Variants in MICAL2 observed in about 807,000 individuals in gnomAD.
MICAL2 encodes microtubule associated monooxygenase, calponin and LIM domain containing 2, also known as [F-actin]-monooxygenase MICAL2.
Under a neutral mutation model 127.3 loss-of-function variants are expected in MICAL2, and 77 were observed. The observed-to-expected ratio is 0.60, with a 90% confidence interval of 0.50 to 0.73. The LOEUF (loss-of-function observed/expected upper bound fraction) is 0.73, where lower values mean the gene tolerates loss of function less well. MICAL2 is among the 30% of genes least tolerant of loss of function. The pLI, the probability that MICAL2 is intolerant of heterozygous loss-of-function variation, is 0.00. For missense variants in MICAL2, 1,351 were observed against 1,434.4 expected (o/e 0.94, Z 0.94); for synonymous variants, 570 against 551.1 (o/e 1.03, Z -0.48).
chr11:12,150,642 C>A (rs142755069), intron 2 of MICAL2, among the ~76,000 whole-genome samples: 1 of 152,080 alleles, frequency 6.6e-6, no homozygotes, highest in African/African-American at 2.4e-5. Context: ...TCTTCCCCAG[C>A]ATCCCTCTAT....
At chr11:12,358,130 C>T (rs1939156674) in intron 34 of MICAL2, among the ~76,000 whole-genome samples, 1 of 152,176 alleles carries the variant, frequency 6.6e-6, no homozygotes, top group Non-Finnish European at 1.5e-5. Flanking sequence ...ACACCTTTCT[C>T]ATCTCTCACT....
intron 34 of MICAL2, among the ~76,000 whole-genome samples, chr11:12,355,422 T>G (rs894585582): frequency 2.6e-5 from 4 of 152,190 alleles, no homozygotes; most frequent in African/African-American, 7.2e-5. Flanking sequence ...TAAACTCAAC[T>G]GACACAGTAT....
In MICAL2 at chr11:12,226,985, G is replaced by T; in HGVS notation, c.1889-40G>T. On this transcript the variant is annotated intron_variant, in intron 14 of 27. Transcript: ENST00000683283. ...CCTTGTTATAGCCATACTTCCCAGA[G>T]CCAGGTTCCAAATCACAGTTGCGCT... The T allele has an allele frequency of 1.3e-6, 2 of 1,504,552 alleles. 1 individual carries two copies. Among genetic ancestry groups the T allele is most frequent in the African/African-American group, 2.8e-5 (2 of 72,678 alleles). 93.2% of individuals were successfully genotyped at this position (1,504,552 alleles called of 1,614,324 possible).
At chr11:12,162,041 C>T in intron 2 of MICAL2, 38 bp from the exon 3 acceptor site, 10 of 1,447,442 alleles carry the variant, frequency 6.9e-6, no homozygotes, top group Non-Finnish European at 9.4e-6. Flanking sequence ...CTAACCTCAT[C>T]GTCCAAAGCT....
At chr11:12,144,458 AG>A (rs1016957186) in intron 2 of MICAL2, among the ~76,000 whole-genome samples, 37 of 152,240 alleles carry the variant, frequency 2.4e-4, no homozygotes, top group African/African-American at 8.2e-4. Context: ...TGAATGGTCA[AG>A]GCCCTTTCTG....
At chr11:12,236,354 G>A in intron 16 of MICAL2, 109 bp downstream of exon 16, 4 of 958,868 alleles carry the variant, frequency 4.2e-6, no homozygotes, top group South Asian at 4.1e-5. Flanking sequence ...CCTCTCTCAT[G>A]AACCACTGGG....
At chr11:12,241,186 T>C (rs749189006) in intron 18 of MICAL2, 24 bp downstream of exon 18, 1 of 1,607,488 alleles carries the variant, frequency 6.2e-7, no homozygotes, top group South Asian at 1.1e-5. Context: ...CAGTGGATGC[T>C]GTTTTGGTGA....
rs76096301 is a variant in MICAL2 at position 12,205,105 on chromosome 11, A to G, written c.472+648A>G. Among the ~76,000 whole-genome samples, 496 of 152,328 alleles carry G rather than the reference A, an allele frequency of 3.3e-3. 5 individuals carry two copies. Among genetic ancestry groups the G allele is most frequent in the African/African-American group, 0.012 (487 of 41,568 alleles). ...AGAGAGAACATCATGATGGGACTTCAACCAGAATAGGAAGGAAAATAGAGA... is the reference window on the plus strand; with the variant it reads ...AGAGAGAACATCATGATGGGACTTCGACCAGAATAGGAAGGAAAATAGAGA... On this transcript the variant is annotated intron_variant, in intron 4 of 27. Transcript: ENST00000683283.
intron 3 of MICAL2, among the ~76,000 whole-genome samples, chr11:12,162,884 T>C (rs2133810421): frequency 6.6e-6 from 1 of 152,332 alleles, no homozygotes; most frequent in South Asian, 2.1e-4. Flanking sequence ...CATCTGATTC[T>C]AGGGCCTAAG....
intron 13 of MICAL2, 71 bp from the exon 14 acceptor site, chr11:12,226,100 C>A: frequency 6.7e-7 from 1 of 1,483,446 alleles, no homozygotes; most frequent in Non-Finnish European, 9.4e-7. Context: ...TCCTTACCAC[C>A]TGAAGGTGCT....
At chr11:12,204,822 G>A (rs191061798) in intron 4 of MICAL2, among the ~76,000 whole-genome samples, 8 of 152,318 alleles carry the variant, frequency 5.3e-5, no homozygotes, top group African/African-American at 1.7e-4. Context: ...CTGATGGAGC[G>A]CATTAAGATT....
chr11:12,162,239 C>T lies in MICAL2; in HGVS notation c.84C>T (p.Thr28=), dbSNP rs1178110708. 5 of 1,614,066 alleles carry T rather than the reference C, an allele frequency of 3.1e-6. No individual in the cohort carries two copies. Among genetic ancestry groups the T allele is most frequent in the Non-Finnish European group, 2.5e-6 (3 of 1,180,054 alleles). The change falls in exon 3 of 28, where the codon ACC becomes ACT. Residue 28 remains threonine (T), a synonymous_variant. Coordinates refer to ENST00000683283, the MANE Select transcript of MICAL2 (RefSeq NM_001282663.2). ...TCCAGGCATCCACGTGCAAAGGTAC[C>T]CTCCAGGCCTTCAACATTCTCACAC... is the stretch of plus-strand genomic sequence containing the variant. The part of the protein sequence containing the change: ...NFVQASTCKG[T]LQAFNILTRH...
At chr11:12,355,513 G>C (rs4757389) in intron 34 of MICAL2, among the ~76,000 whole-genome samples, 135,099 of 152,236 alleles carry the variant, frequency 0.89, 59,978 homozygotes, top group East Asian at 0.93. Context: ...GTGCCAGATC[G>C]ATGCATGACC....
At chr11:12,260,440 A>C (rs1355172177) in intron 26 of MICAL2, 1 of 1,200,892 alleles carries the variant, frequency 8.3e-7, no homozygotes, top group East Asian at 3.7e-5. Context: ...TTTTAATTTT[A>C]ATTAGCCCAG....
chr11:12,165,138 CAAAAA>C (rs1207353830), intron 3 of MICAL2, among the ~76,000 whole-genome samples: 1 of 73,400 alleles, frequency 1.4e-5, no homozygotes, highest in Non-Finnish European at 2.8e-5. Context: ...GACTCCATCT[CAAAAA>C]AAAAAAAAAA....
At chr11:12,239,360 C>T in intron 16 of MICAL2, 76 bp from the exon 17 acceptor site, 1 of 1,598,116 alleles carries the variant, frequency 6.3e-7, no homozygotes, top group Non-Finnish European at 8.6e-7. Flanking sequence ...AGTCCCACGT[C>T]CTGAGTCCCC....
At chr11:12,323,902 A>T in intron 30 of MICAL2, 5 of 1,483,092 alleles carry the variant, frequency 3.4e-6, no homozygotes, top group Non-Finnish European at 4.5e-6. Flanking sequence ...GAGAGGGTAG[A>T]AGCCTATAAC....
At chr11:12,319,669 C>T (rs769335396) in intron 29 of MICAL2, 9 of 1,503,114 alleles carry the variant, frequency 6.0e-6, no homozygotes, top group Non-Finnish European at 8.3e-6. Flanking sequence ...GCTAGCAGTT[C>T]ATTGAGTTTT....
intron 15 of MICAL2, among the ~76,000 whole-genome samples, chr11:12,228,987 G>C (rs533498414): frequency 6.6e-6 from 1 of 152,246 alleles, no homozygotes; most frequent in East Asian, 1.9e-4. Flanking sequence ...AGGATGGCAG[G>C]GTGCCCTCCA....
Sources: gnomAD v4.1 joint callset for allele counts (sites outside exome capture counted in the v4.1 genomes callset) on GRCh38, gnomAD v4.1.1 for gene constraint, MANE v1.5 for transcripts, NCBI Gene and HGNC (gene_info 2026-07-23, HGNC 2026-07-21) for gene names.